The following FRMD7 variants were observed in gnomAD, a reference collection of about 807,000 sequenced individuals.
The protein encoded by FRMD7 is FERM domain containing 7.
In FRMD7, 14 loss-of-function variants were observed where a neutral mutation model predicts 44.1. The observed-to-expected ratio is 0.32, with a 90% CI of 0.21 to 0.50. FRMD7 has a LOEUF of 0.50. FRMD7 is among the 20% of genes least tolerant of loss of function. The pLI, the probability that FRMD7 is intolerant of heterozygous loss-of-function variation, is 0.99. For missense variants in FRMD7, 501 were observed against 522.3 expected (o/e 0.96, Z 0.40); for synonymous variants, 212 against 187.4 (o/e 1.13, Z -1.07).
chrX:132,086,659 A>AG, intron 5 of FRMD7, among the ~76,000 whole-genome samples: 1 of 99,960 alleles, frequency 1.0e-5, no homozygotes, highest in East Asian at 3.1e-4. Flanking sequence ...GAAAGGCCTC[A>AG]GGAAAAAAAA....
chrX:132,094,743 G>T (rs1280719595), intron 4 of FRMD7, among the ~76,000 whole-genome samples: 1 of 111,879 alleles, frequency 8.9e-6, no homozygotes, highest in Non-Finnish European at 1.9e-5. Context: ...TTGGGGCCCT[G>T]CTTCTGCCTG....
chrX:132,122,182 G>A (rs909391884), intron 1 of FRMD7, among the ~76,000 whole-genome samples: 12 of 111,849 alleles, frequency 1.1e-4, no homozygotes, highest in African/African-American at 3.9e-4. Flanking sequence ...TTGAGCACCC[G>A]CTTTGTGTCA....
chrX:132,124,860 T>A (rs755158278), intron 1 of FRMD7, among the ~76,000 whole-genome samples: 1 of 112,038 alleles, frequency 8.9e-6, no homozygotes, highest in Non-Finnish European at 1.9e-5. Context: ...CAGAGTCTAC[T>A]GTTCCCAGAA....
intron 5 of FRMD7, among the ~76,000 whole-genome samples, chrX:132,092,189 G>A (rs973973696): frequency 8.9e-6 from 1 of 112,028 alleles, no homozygotes; most frequent in African/African-American, 3.3e-5. Flanking sequence ...GTTCATAAAA[G>A]AGGGACACTT....
chrX:132,099,337 T>C lies in FRMD7; in HGVS notation c.205+131A>G, dbSNP rs1450466787. On this transcript the variant is annotated intron_variant, in intron 3 of 11. Transcript: ENST00000298542. ...TAAATTGCTGAATTTACTGGATGTA[T>C]GAAGGGTTGAAATAATATCTCAAAG... 2.5e-5 allele frequency: 13 copies of C among 522,339 alleles called. No individual in the cohort carries two copies. In the Admixed American group the frequency reaches 3.5e-4, roughly 14 times the overall value. 43.0% of individuals were successfully genotyped at this position (522,339 alleles called of 1,213,427 possible).
rs992228822 is a variant in FRMD7 at position 132,082,287 on chromosome X, T to G, written c.905+76A>C. On this transcript the variant is annotated intron_variant, in intron 9 of 11. Coordinates refer to ENST00000298542, the MANE Select transcript of FRMD7 (RefSeq NM_194277.3). Reference sequence around the variant, plus strand: ...TGGATTCTTTGTTGCTTCTAGAATGTGAACTCCTCCTAAGCCTCCTGTGTT... The same window carrying G: ...TGGATTCTTTGTTGCTTCTAGAATGGGAACTCCTCCTAAGCCTCCTGTGTT... 5 of 858,073 alleles carry G rather than the reference T, an allele frequency of 5.8e-6. No homozygotes were observed. The African/African-American group carries it at 8.0e-5, about 14-fold the overall frequency. The allele number at this position is 858,073 out of a possible 1,213,427, so 70.7% of individuals were successfully genotyped here.
chrX:132,087,832 T>C (rs1319283479), intron 5 of FRMD7, among the ~76,000 whole-genome samples: 3 of 111,240 alleles, frequency 2.7e-5, no homozygotes, highest in Non-Finnish European at 3.8e-5. Flanking sequence ...TTCAGCAGCA[T>C]ATGAAAAGGA....
intron 1 of FRMD7, among the ~76,000 whole-genome samples, chrX:132,104,813 A>G (rs1043922907): frequency 2.7e-5 from 3 of 112,697 alleles, no homozygotes; most frequent in Admixed American, 9.3e-5. Context: ...ACAGTGACCA[A>G]TTGAGTCCCA....
chrX:132,083,729 G>A (rs905441237), intron 8 of FRMD7, among the ~76,000 whole-genome samples: 7 of 112,386 alleles, frequency 6.2e-5, no homozygotes, highest in Non-Finnish European at 1.3e-4. Context: ...GGAGGCCAGA[G>A]TAAGAGGATC....
intron 8 of FRMD7, 26 bp from the exon 9 acceptor site, chrX:132,082,552 A>G: frequency 8.6e-7 from 1 of 1,164,048 alleles, no homozygotes. Flanking sequence ...TCCATTAAGT[A>G]AAACATCCTT....
chrX:132,107,578 G>A (rs1194216506), intron 1 of FRMD7, among the ~76,000 whole-genome samples: 2 of 98,513 alleles, frequency 2.0e-5, no homozygotes, highest in African/African-American at 7.7e-5. Context: ...GTAAATGGCT[G>A]CCTTTTCACT....
At chrX:132,125,403 T>G (rs1361380895) in intron 1 of FRMD7, among the ~76,000 whole-genome samples, 1 of 111,900 alleles carries the variant, frequency 8.9e-6, no homozygotes, top group East Asian at 2.8e-4. Flanking sequence ...TCTTGAATCT[T>G]ATCTTGAAGG....
At chrX:132,093,203 G>A (rs926292237) in intron 5 of FRMD7, among the ~76,000 whole-genome samples, 3 of 111,671 alleles carry the variant, frequency 2.7e-5, no homozygotes, top group Non-Finnish European at 5.7e-5. Flanking sequence ...TGGGGCTCCC[G>A]GTGAAATTAG....
At chrX:132,118,219 G>C (rs187601005) in intron 1 of FRMD7, among the ~76,000 whole-genome samples, 1 of 110,882 alleles carries the variant, frequency 9.0e-6, no homozygotes, top group East Asian at 2.8e-4. Flanking sequence ...CTTACTTGCA[G>C]TTGTATGACC....
chrX:132,078,754 AG>A lies in FRMD7; in HGVS notation c.1262del (p.Pro421LeufsTer23). On this transcript the variant is annotated frameshift_variant, in exon 12 of 12. Coordinates refer to ENST00000298542, the MANE Select transcript of FRMD7 (RefSeq NM_194277.3). LOFTEE classifies it high-confidence loss of function. The part of the protein sequence containing the change: ...SSSFPFIYMD[P>X]VFNTEPNPNP... ...TAGGATTGGGCTCAGTGTTAAAGAC[AG>A]GGTCCATATAAATAAAAGGGAAAGA... 1 of 1,210,537 alleles carries A rather than the reference AG, an allele frequency of 8.3e-7. No individual in the cohort carries two copies. The highest frequency in any genetic ancestry group is 1.1e-6 in the Non-Finnish European group (1 of 894,331).
intron 1 of FRMD7, among the ~76,000 whole-genome samples, chrX:132,103,526 A>G (rs1928567569): frequency 9.5e-6 from 1 of 105,298 alleles, no homozygotes; most frequent in South Asian, 4.0e-4. Context: ...CTATCTATCT[A>G]TCTATCTCTA....
chrX:132,092,056 C>T (rs1275024248), intron 5 of FRMD7, among the ~76,000 whole-genome samples: 1 of 111,676 alleles, frequency 9.0e-6, no homozygotes, highest in Non-Finnish European at 1.9e-5. Context: ...ATGTGAGCTC[C>T]ACAAGGGCAA....
In FRMD7 at chrX:132,078,451, A is replaced by G; in HGVS notation, c.1566T>C (p.Tyr522=). Reference sequence around the variant, plus strand: ...CTGGCTTCATTGCAGTGGGCTCTACATAGCTATGTGGACTTGTCCTTTCCT... The same window carrying G: ...CTGGCTTCATTGCAGTGGGCTCTACGTAGCTATGTGGACTTGTCCTTTCCT... ...RAEERTSPHS[Y]VEPTAMKPAE... The change falls in exon 12 of 12, where the codon TAT becomes TAC. Residue 522 remains tyrosine (Y), a synonymous_variant. Coordinates refer to ENST00000298542, the MANE Select transcript of FRMD7 (RefSeq NM_194277.3). The G allele has an allele frequency of 8.3e-7, 1 of 1,211,258 alleles. No individual in the cohort carries two copies. The highest frequency in any genetic ancestry group is 1.1e-6 in the Non-Finnish European group (1 of 895,264).
In FRMD7 at chrX:132,078,374, T is replaced by G. The variant is rs776519156; in HGVS notation, c.1643A>C (p.Gln548Pro). 179 of 1,209,486 alleles carry G rather than the reference T, an allele frequency of 1.5e-4. No individual in the cohort carries two copies. Among genetic ancestry groups the G allele is most frequent in the Non-Finnish European group, 2.0e-4 (175 of 894,603 alleles). ...CCTGGCTATAGCTTCTTGGAGTACT[T>G]GCAGGTCTTGCTGAAAGCTCTTCAT... is the stretch of plus-strand genomic sequence containing the variant. ...IRMKSFQQDL[Q>P]VLQEAIARTS... is the part of the protein sequence containing the mutation. Residue 548 changes from glutamine (Q) to proline (P), a missense_variant, in exon 12 of 12, where the codon CAA (glutamine) becomes CCA (proline). Physicochemically the swap from Gln to Pro is moderately conservative, Grantham distance 76. Coordinates refer to ENST00000298542, the MANE Select transcript of FRMD7 (RefSeq NM_194277.3).
Sources: gnomAD v4.1 joint callset for allele counts (sites outside exome capture counted in the v4.1 genomes callset) on GRCh38, gnomAD v4.1.1 for gene constraint, MANE v1.5 for transcripts, NCBI Gene and HGNC (gene_info 2026-07-23, HGNC 2026-07-21) for gene names.